Variants in TENM3 observed in about 807,000 individuals in gnomAD.
TENM3 encodes teneurin transmembrane protein 3.
In TENM3, 63 loss-of-function variants were observed where a neutral mutation model predicts 255.1. The observed-to-expected ratio is 0.25, with a 90% CI of 0.20 to 0.30. TENM3 has a LOEUF of 0.30. Among genes scored for constraint, TENM3 ranks in the 10% least tolerant of loss-of-function variants. The pLI is 1.00. For missense variants in TENM3, 2,929 were observed against 3,461.1 expected (o/e 0.85, Z 3.86); for synonymous variants, 1,306 against 1,322.3 (o/e 0.99, Z 0.27).
chr4:182,088,890 T>C, the TENM3 span, among the ~76,000 whole-genome samples: 1 of 151,530 alleles, frequency 6.6e-6, no homozygotes, highest in Non-Finnish European at 1.5e-5. Context: ...AAGGACTGAA[T>C]GTTTATGTCT....
chr4:182,127,611 A>T, the TENM3 span, among the ~76,000 whole-genome samples: 1 of 152,276 alleles, frequency 6.6e-6, no homozygotes, highest in South Asian at 2.1e-4. Flanking sequence ...TTGTGGATTT[A>T]CTCCATTAAC....
chr4:181,729,243 G>A, the TENM3 span, among the ~76,000 whole-genome samples: 1 of 152,178 alleles, frequency 6.6e-6, no homozygotes, highest in Admixed American at 6.5e-5. Flanking sequence ...GGAAGAGGTG[G>A]TGATATTTGA....
chr4:181,887,577 C>A, the TENM3 span, among the ~76,000 whole-genome samples: 34 of 152,282 alleles, frequency 2.2e-4, no homozygotes, highest in Non-Finnish European at 4.9e-4. Context: ...CTGGCTGCAA[C>A]CACAACTGTT....
At chr4:181,734,963 T>C in the TENM3 span, among the ~76,000 whole-genome samples, 7 of 152,162 alleles carry the variant, frequency 4.6e-5, no homozygotes, top group African/African-American at 1.7e-4. Flanking sequence ...ACACTCTCAA[T>C]GTTCTTTAAA....
chr4:181,762,791 G>T, the TENM3 span, among the ~76,000 whole-genome samples: 1 of 152,152 alleles, frequency 6.6e-6, no homozygotes, highest in Admixed American at 6.5e-5. Context: ...AGTAGAGAAT[G>T]ATATGGCTAG....
intron 13 of TENM3, among the ~76,000 whole-genome samples, chr4:182,716,671 CAAATCAAAACACGA>C (rs1182276510): frequency 6.6e-6 from 1 of 152,130 alleles, no homozygotes. Context: ...CACCAAACCC[CAAATCAAAACACGA>C]AAGATGGCAA....
rs540542194 is a variant in TENM3 at position 182,276,976 on chromosome 4, T to C, written c.-76+33500T>C. Among the ~76,000 whole-genome samples, 3 of 152,330 alleles carry C rather than the reference T, an allele frequency of 2.0e-5. No homozygotes were observed. In the South Asian group the frequency reaches 6.2e-4, roughly 32 times the overall value. On this transcript the variant is annotated intron_variant, in intron 1 of 27. Transcript: ENST00000511685. Reference sequence around the variant, plus strand: ...TGTGTTAATTTTACTTTCATTAATATGAAGGATAGTATGGAAAGAGCAAGA... The same window carrying C: ...TGTGTTAATTTTACTTTCATTAATACGAAGGATAGTATGGAAAGAGCAAGA...
chr4:181,772,417 A>G, the TENM3 span, among the ~76,000 whole-genome samples: 217 of 152,136 alleles, frequency 1.4e-3, no homozygotes, highest in African/African-American at 5.0e-3. Flanking sequence ...AAAAATAGAA[A>G]TCATTTTTAA....
chr4:181,574,253 C>T, the TENM3 span, among the ~76,000 whole-genome samples: 1 of 152,160 alleles, frequency 6.6e-6, no homozygotes, highest in African/African-American at 2.4e-5. Flanking sequence ...GTCTTCCGGC[C>T]GGGCGCGGTG....
intron 3 of TENM3, among the ~76,000 whole-genome samples, chr4:182,510,042 G>C (rs1382357838): frequency 1.3e-5 from 2 of 151,710 alleles, no homozygotes; most frequent in Admixed American, 1.3e-4. Flanking sequence ...ATTTGAAACA[G>C]AAATTCACAC....
chr4:182,057,881 G>A, the TENM3 span, among the ~76,000 whole-genome samples: 5 of 152,032 alleles, frequency 3.3e-5, no homozygotes, highest in African/African-American at 4.8e-5. Flanking sequence ...CCAGAAAACT[G>A]AGCATCTTTG....
intron 3 of TENM3, among the ~76,000 whole-genome samples, chr4:182,403,615 A>C (rs1012431896): frequency 6.6e-6 from 1 of 152,234 alleles, no homozygotes; most frequent in African/African-American, 2.4e-5. Flanking sequence ...TTTTTCTAGA[A>C]GTAGTGATGT....
intron 3 of TENM3, among the ~76,000 whole-genome samples, chr4:182,430,878 G>C (rs1561438538): frequency 1.3e-5 from 2 of 151,874 alleles, no homozygotes; most frequent in South Asian, 4.1e-4. Context: ...TGGGCATGGT[G>C]GTGGGCACCT....
At chr4:181,944,282 G>A in the TENM3 span, among the ~76,000 whole-genome samples, 1 of 152,102 alleles carries the variant, frequency 6.6e-6, no homozygotes, top group Non-Finnish European at 1.5e-5. Context: ...TCTTGGGGGG[G>A]TCCCAAGTCC....
At chr4:182,794,376 G>GT (rs1184286469) in intron 26 of TENM3, among the ~76,000 whole-genome samples, 1 of 152,122 alleles carries the variant, frequency 6.6e-6, no homozygotes, top group African/African-American at 2.4e-5. Flanking sequence ...GTCATGTTGG[G>GT]TTTTTTTAAT....
intron 6 of TENM3, among the ~76,000 whole-genome samples, chr4:182,667,640 G>A (rs548304638): frequency 2.4e-4 from 36 of 152,250 alleles, no homozygotes; most frequent in African/African-American, 7.5e-4. Context: ...CCTTGACAAC[G>A]GGAATAAATA....
chr4:182,080,777 AGCCCAG>A, the TENM3 span, among the ~76,000 whole-genome samples: 1 of 152,198 alleles, frequency 6.6e-6, no homozygotes, highest in Non-Finnish European at 1.5e-5. Flanking sequence ...GGATCACCTG[AGCCCAG>A]GGGTTCACGA....
intron 13 of TENM3, among the ~76,000 whole-genome samples, chr4:182,724,116 A>T (rs764309139): frequency 6.6e-5 from 10 of 152,252 alleles, no homozygotes; most frequent in Non-Finnish European, 1.3e-4. Context: ...CAGGCTCTTA[A>T]CTGATCACTG....
At chr4:181,678,251 G>T in the TENM3 span, among the ~76,000 whole-genome samples, 1 of 152,048 alleles carries the variant, frequency 6.6e-6, no homozygotes, top group Non-Finnish European at 1.5e-5. Context: ...AGAAAACAGA[G>T]TTCAGTGCAA....
Sources: gnomAD v4.1 joint callset for allele counts (sites outside exome capture counted in the v4.1 genomes callset) on GRCh38, gnomAD v4.1.1 for gene constraint, MANE v1.5 for transcripts, NCBI Gene and HGNC (gene_info 2026-07-23, HGNC 2026-07-21) for gene names.